The following BMP5 variants were observed in gnomAD, a reference collection of about 807,000 sequenced individuals.
BMP5 encodes bone morphogenetic protein 5.
A neutral mutation model predicts 46.6 loss-of-function variants in BMP5; 23 were observed. The observed-to-expected ratio is 0.49, with a 90% CI of 0.35 to 0.70. BMP5 has a LOEUF of 0.70. Among genes scored for constraint, BMP5 ranks in the 30% least tolerant of loss-of-function variants. BMP5 has a pLI of 0.00. For missense variants in BMP5, 545 were observed against 565.6 expected, an observed-to-expected ratio of 0.96 and a Z score of 0.37; for synonymous variants, 204 against 191.9, an observed-to-expected ratio of 1.06 and a Z score of -0.52.
intron 3 of BMP5, among the ~76,000 whole-genome samples, chr6:55,788,082 C>G (rs960142115): frequency 2.0e-5 from 3 of 151,530 alleles, no homozygotes; most frequent in African/African-American, 7.3e-5. Flanking sequence ...TTGTAAGAAT[C>G]CATTCTACTG....
At chr6:55,838,962 G>T (rs963682424) in intron 1 of BMP5, among the ~76,000 whole-genome samples, 1 of 152,062 alleles carries the variant, frequency 6.6e-6, no homozygotes, top group Non-Finnish European at 1.5e-5. Flanking sequence ...TGTATAATTG[G>T]ATGAGTTTGA....
chr6:55,774,101 G>C lies in BMP5; in HGVS notation c.975C>G (p.Asn325Lys), dbSNP rs1452383459. The change falls in exon 4 of 7, where the codon AAC becomes AAG. Residue 325 changes from asparagine to lysine, a missense_variant. Physicochemically the swap from Asn to Lys is moderately conservative, Grantham distance 94. Transcript: ENST00000370830. ...CCTGATGAGAGCTGGATTTATTGCG[G>C]TTTTGATTTTTTCGTTTGTTGGCTG... ...VRAANKRKNQ[N>K]RNKSSSHQDS... 14 of 1,612,924 alleles carry C rather than the reference G, an allele frequency of 8.7e-6. No homozygotes were observed. In the Admixed American group the frequency reaches 2.3e-4, roughly 27 times the overall value.
intron 3 of BMP5, among the ~76,000 whole-genome samples, chr6:55,791,715 A>G (rs191800242): frequency 1.4e-3 from 214 of 152,326 alleles, no homozygotes; most frequent in South Asian, 0.013. Flanking sequence ...GGGGGAAAAA[A>G]CAAAAAGAGA....
chr6:55,808,479 A>G (rs1418351136), intron 2 of BMP5, among the ~76,000 whole-genome samples: 1 of 152,074 alleles, frequency 6.6e-6, no homozygotes, highest in East Asian at 1.9e-4. Context: ...ACAGCAGTCA[A>G]CCACAGCTGT....
At chr6:55,792,256 G>A (rs566824081) in intron 3 of BMP5, among the ~76,000 whole-genome samples, 13 of 152,176 alleles carry the variant, frequency 8.5e-5, no homozygotes, top group African/African-American at 2.6e-4. Flanking sequence ...AGACCCTGCC[G>A]GGCGCGGTGG....
chr6:55,832,450 T>A (rs7741923), intron 1 of BMP5, among the ~76,000 whole-genome samples: 1,851 of 152,210 alleles, frequency 0.012, 39 homozygotes, highest in African/African-American at 0.042. Flanking sequence ...TAAGCCAGGA[T>A]TTTACTCAGA....
chr6:55,795,059 G>A (rs2127529304), intron 2 of BMP5, among the ~76,000 whole-genome samples: 1 of 152,236 alleles, frequency 6.6e-6, no homozygotes, highest in African/African-American at 2.4e-5. Context: ...AGTAATGGCT[G>A]TGAATATGAA....
intron 2 of BMP5, among the ~76,000 whole-genome samples, chr6:55,817,316 C>A (rs538351347): frequency 1.5e-3 from 227 of 152,228 alleles, no homozygotes; most frequent in Admixed American, 2.0e-3. Flanking sequence ...TTTATTGCAG[C>A]ACTATTCACA....
chr6:55,786,372 T>C (rs1775449864), intron 3 of BMP5, among the ~76,000 whole-genome samples: 1 of 151,772 alleles, frequency 6.6e-6, no homozygotes, highest in South Asian at 2.1e-4. Flanking sequence ...TGCTGTATAA[T>C]TCCTAGACAA....
intron 1 of BMP5, among the ~76,000 whole-genome samples, chr6:55,834,518 A>ATGTT (rs58614307): frequency 0.016 from 2,363 of 152,058 alleles, 44 homozygotes; most frequent in African/African-American, 0.05. Flanking sequence ...AGCTGCTTTC[A>ATGTT]TGTTTGTTTG....
chr6:55,782,012 T>C (rs1363571686), intron 3 of BMP5, among the ~76,000 whole-genome samples: 2 of 151,858 alleles, frequency 1.3e-5, no homozygotes, highest in Non-Finnish European at 2.9e-5. Context: ...ATTCGGCACC[T>C]AATAAAGAAA....
chr6:55,758,391 G>A (rs771753967), intron 6 of BMP5, among the ~76,000 whole-genome samples: 15 of 151,800 alleles, frequency 9.9e-5, no homozygotes, highest in South Asian at 4.1e-4. Flanking sequence ...AGTTAATCAC[G>A]TCAACCCTTC....
Position 55,874,429 on chromosome 6 carries a change from T to C in BMP5, c.437A>G (p.His146Arg). 3 of 1,613,212 alleles carry C rather than the reference T, an allele frequency of 1.9e-6. No homozygotes were observed. The highest frequency in any genetic ancestry group is 2.5e-6 in the Non-Finnish European group (3 of 1,179,506). ...TTQSPPLASL[H>R]DTNFLNDADM... is the part of the protein sequence containing the mutation. ...AGCATCATTCAGAAAGTTGGTATCA[T>C]GGAGGCTGGCTAGAGGAGGACTCTG... The change falls in exon 1 of 7, where the codon CAT (histidine) becomes CGT (arginine). Residue 146 changes from histidine to arginine, a missense_variant. His to Arg is a conservative substitution (Grantham distance 29). Coordinates refer to ENST00000370830, the MANE Select transcript of BMP5 (RefSeq NM_021073.4).
rs144103264 is a variant in BMP5, at chr6:55,801,296, C to T, written c.684-6869G>A. ...GACATATTGTGGAGATCTGCTGGTTCATCTTATTGGTGTTGAGCATGCAGC... is the reference window on the plus strand; with the variant it reads ...GACATATTGTGGAGATCTGCTGGTTTATCTTATTGGTGTTGAGCATGCAGC... On this transcript the variant is annotated intron_variant, in intron 2 of 6. Coordinates refer to ENST00000370830, the MANE Select transcript of BMP5 (RefSeq NM_021073.4). Among the ~76,000 whole-genome samples, 250 of 152,278 alleles carry T rather than the reference C, an allele frequency of 1.6e-3. 1 individual carries two copies. Among genetic ancestry groups the T allele is most frequent in the African/African-American group, 5.7e-3 (237 of 41,570 alleles).
chr6:55,874,765 A>G lies in BMP5; in HGVS notation c.101T>C (p.Val34Ala). 6.2e-7 allele frequency: 1 copy of G among 1,613,500 alleles called. No homozygotes were observed. The highest frequency in any genetic ancestry group is 1.1e-5 in the South Asian group (1 of 91,062). ...YAKGGLGDNH[V>A]HSSFIYRRLR... ...TCTTCTATAAATAAAACTGGAGTGA[A>G]CATGATTGTCTCCCAAACCTCCTTT... Residue 34 changes from valine (V) to alanine (A), a missense_variant, in exon 1 of 7, where the codon GTT becomes GCT. Coordinates refer to ENST00000370830, the MANE Select transcript of BMP5 (RefSeq NM_021073.4).
intron 5 of BMP5, 43 bp downstream of exon 5, chr6:55,760,414 A>T: frequency 3.9e-6 from 6 of 1,545,478 alleles, no homozygotes; most frequent in Non-Finnish European, 5.4e-6. Flanking sequence ...AGGATTTATG[A>T]TAATTCAGAA....
At chr6:55,766,673 CT>C (rs755959772) in intron 4 of BMP5, among the ~76,000 whole-genome samples, 1 of 152,078 alleles carries the variant, frequency 6.6e-6, no homozygotes, top group Non-Finnish European at 1.5e-5. Flanking sequence ...TATGATTCTT[CT>C]TTTTCCAATT....
At chr6:55,810,923 G>C (rs1776118783) in intron 2 of BMP5, among the ~76,000 whole-genome samples, 2 of 152,084 alleles carry the variant, frequency 1.3e-5, no homozygotes, top group South Asian at 4.1e-4. Context: ...ATCAATTGTG[G>C]ATGACAAAAT....
chr6:55,836,146 AT>A (rs1474664092), intron 1 of BMP5, among the ~76,000 whole-genome samples: 2 of 152,168 alleles, frequency 1.3e-5, no homozygotes, highest in African/African-American at 4.8e-5. Flanking sequence ...AGGATAAACA[AT>A]TATTTTAATT....
Sources: allele counts gnomAD v4.1 joint callset (sites outside exome capture counted in the v4.1 genomes callset), GRCh38; gene constraint gnomAD v4.1.1; transcripts MANE v1.5; gene names NCBI Gene and HGNC (gene_info 2026-07-23, HGNC 2026-07-21).